EDNRA: variants seen among roughly 807,000 people sequenced by gnomAD.
EDNRA encodes the protein endothelin receptor type A, also known as endothelin-1 receptor.
A neutral mutation model predicts 41.4 loss-of-function variants in EDNRA; 11 were observed. That is an observed-to-expected ratio of 0.27 (90% CI 0.17 to 0.44). The LOEUF (loss-of-function observed/expected upper bound fraction) is 0.44, where lower values mean the gene tolerates loss of function less well. Ranked by LOEUF, EDNRA falls within the 20% of genes least tolerant of loss-of-function variation. The pLI is 1.00. For synonymous variants in EDNRA, 172 were observed against 183.0 expected (o/e 0.94, Z 0.49); for missense variants, 294 against 531.0 (o/e 0.55, Z 4.39).
intron 2 of EDNRA, among the ~76,000 whole-genome samples, chr4:147,502,086 T>C (rs560926146): frequency 6.6e-6 from 1 of 152,292 alleles, no homozygotes; most frequent in South Asian, 2.1e-4. Context: ...TTTTTGTTCC[T>C]ATATGCTAAG....
chr4:147,510,004 C>G (rs1196538297), intron 2 of EDNRA, among the ~76,000 whole-genome samples: 1 of 152,040 alleles, frequency 6.6e-6, no homozygotes, highest in African/African-American at 2.4e-5. Context: ...GGTTGGGGAC[C>G]GCTGATCTAG....
chr4:147,542,433 T>C, intron 7 of EDNRA, 45 bp from the exon 8 acceptor site: 4 of 1,612,280 alleles, frequency 2.5e-6, no homozygotes, highest in Non-Finnish European at 2.5e-6. Context: ...TGGCCGGGAA[T>C]GGGCTGGTAG....
At chr4:147,532,188 T>C (rs1247512110) in intron 3 of EDNRA, among the ~76,000 whole-genome samples, 1 of 142,192 alleles carries the variant, frequency 7.0e-6, no homozygotes, top group Non-Finnish European at 1.5e-5. Flanking sequence ...TAGCCGGGCG[T>C]GGTGGCAGGC....
intron 2 of EDNRA, among the ~76,000 whole-genome samples, chr4:147,505,646 GTTTTT>G (rs70958567): frequency 9.5e-6 from 1 of 105,234 alleles, no homozygotes; most frequent in African/African-American, 4.0e-5. Flanking sequence ...CCCGCCGGCA[GTTTTT>G]TTTTTTTTTT....
Position 147,532,516 on chromosome 4 carries a change from G to A in EDNRA, c.559G>A (p.Val187Ile). The A allele has an allele frequency of 6.2e-7, 1 of 1,613,910 alleles. No individual in the cohort carries two copies. The highest frequency in any genetic ancestry group is 8.5e-7 in the Non-Finnish European group (1 of 1,179,946). Residue 187 changes from valine (V) to isoleucine (I), a missense_variant, in exon 4 of 8, where the codon GTT becomes ATT. Physicochemically the swap from Val to Ile is conservative, Grantham distance 29. This residue lies in a region of EDNRA where 185 missense variants were observed against 390.8 expected (regional missense o/e 0.47). Coordinates refer to ENST00000651419, the MANE Select transcript of EDNRA (RefSeq NM_001957.4). ...CALSVDRYRA[V>I]ASWSRVQGIG... ...TACCCTTTTTTTCAGGTACAGAGCA[G>A]TTGCCTCCTGGAGTCGTGTTCAGGG...
chr4:147,523,480 GTTTT>G (rs1288499519), intron 3 of EDNRA, among the ~76,000 whole-genome samples: 1 of 140,556 alleles, frequency 7.1e-6, no homozygotes, highest in Non-Finnish European at 1.5e-5. Flanking sequence ...TGTTGTTGTT[GTTTT>G]TTTGTTTTTT....
intron 2 of EDNRA, among the ~76,000 whole-genome samples, chr4:147,514,222 AC>A (rs1274223937): frequency 2.0e-5 from 3 of 152,160 alleles, no homozygotes; most frequent in East Asian, 3.9e-4. Flanking sequence ...GAACTGGCTT[AC>A]CCAAGGTCAC....
At chr4:147,508,734 C>A (rs1468056597) in intron 2 of EDNRA, among the ~76,000 whole-genome samples, 3 of 152,104 alleles carry the variant, frequency 2.0e-5, no homozygotes, top group Non-Finnish European at 2.9e-5. Flanking sequence ...TTGCCTTGGA[C>A]CTTTATTAAA....
At chr4:147,484,819 T>A (rs189130097) in intron 1 of EDNRA, among the ~76,000 whole-genome samples, 248 of 152,364 alleles carry the variant, frequency 1.6e-3, no homozygotes, top group African/African-American at 5.6e-3. Flanking sequence ...TACACATTAA[T>A]CATCAAGGTT....
chr4:147,485,391 G>A (rs1214982459), intron 1 of EDNRA, among the ~76,000 whole-genome samples: 1 of 152,168 alleles, frequency 6.6e-6, no homozygotes, highest in Non-Finnish European at 1.5e-5. Flanking sequence ...TGGAGATGAT[G>A]GAGATGGAGA....
At position 147,485,817 on chromosome 4, in the gene EDNRA, A is replaced by C. The variant is rs776662697; in HGVS notation, c.136A>C (p.Ser46Arg). 10 of 1,614,130 alleles carry C rather than the reference A, an allele frequency of 6.2e-6. No homozygotes were observed. Among genetic ancestry groups the C allele is most frequent in the Non-Finnish European group, 8.5e-6 (10 of 1,180,032 alleles). Residue 46 changes from serine (S) to arginine (R), a missense_variant, in exon 2 of 8, where the codon AGC (serine) becomes CGC (arginine). Transcript: ENST00000651419. ...DFTTFRGTEL[S>R]FLVTTHQPTN... ...CACCACTTTTCGTGGCACAGAGCTC[A>C]GCTTCCTGGTTACCACTCATCAACC...
In EDNRA at chr4:147,540,415, C is replaced by T; in HGVS notation, c.1073C>T (p.Ala358Val). The T allele has an allele frequency of 1.2e-6, 2 of 1,613,710 alleles. No homozygotes were observed. Among genetic ancestry groups the T allele is most frequent in the Non-Finnish European group, 1.7e-6 (2 of 1,179,848 alleles). The change falls in exon 7 of 8, where the codon GCA (alanine) becomes GTA (valine). Residue 358 changes from alanine (A) to valine (V), a missense_variant. Ala to Val is a moderately conservative substitution (Grantham distance 64). This residue lies in a region of EDNRA where 185 missense variants were observed against 390.8 expected (regional missense o/e 0.47). Coordinates refer to ENST00000651419, the MANE Select transcript of EDNRA (RefSeq NM_001957.4). ...LLMDYIGINLATMNSCINPIA... is the reference protein window; with the variant it reads ...LLMDYIGINLVTMNSCINPIA... Reference sequence around the variant, plus strand: ...ATGGATTACATCGGTATTAACTTGGCAACCATGAATTCATGTATAAACCCC... The same window carrying T: ...ATGGATTACATCGGTATTAACTTGGTAACCATGAATTCATGTATAAACCCC...
chr4:147,511,300 A>G (rs1311923661), intron 2 of EDNRA, among the ~76,000 whole-genome samples: 2 of 152,202 alleles, frequency 1.3e-5, no homozygotes, highest in African/African-American at 2.4e-5. Context: ...TGCCTCAATT[A>G]TGAGTAATTG....
At chr4:147,482,469 G>C (rs1001006781) in intron 1 of EDNRA, among the ~76,000 whole-genome samples, 1 of 152,198 alleles carries the variant, frequency 6.6e-6, no homozygotes, top group African/African-American at 2.4e-5. Flanking sequence ...CGCTATGACT[G>C]ATTATGAGTG....
Position 147,543,591 on chromosome 4 carries a change from G to GA in EDNRA, c.*978dup, listed in dbSNP as rs10305934. 5.2e-4 allele frequency: 79 copies of GA among 152,186 alleles called. No individual in the cohort carries two copies. Among genetic ancestry groups the GA allele is most frequent in the African/African-American group, 1.8e-3 (76 of 41,520 alleles). 9.4% of individuals were successfully genotyped at this position (152,186 alleles called of 1,614,324 possible). On this transcript the variant is annotated 3_prime_UTR_variant, in exon 8 of 8. Transcript: ENST00000651419. Reference sequence around the variant, plus strand: ...ATAGAAGTCTAAAACACACCTAAGAGAAAAAGATCGAATTTTTCAGATGAT... The same window carrying GA: ...ATAGAAGTCTAAAACACACCTAAGAGAAAAAAGATCGAATTTTTCAGATGAT...
intron 2 of EDNRA, chr4:147,488,615 T>C (rs1246383571): frequency 1.3e-5 from 2 of 152,228 alleles, no homozygotes; most frequent in African/African-American, 2.4e-5. Flanking sequence ...AAATACTCTT[T>C]AGTTATTTCA....
At chr4:147,523,658 T>C (rs1291261691) in intron 3 of EDNRA, among the ~76,000 whole-genome samples, 1 of 151,992 alleles carries the variant, frequency 6.6e-6, no homozygotes, top group South Asian at 2.1e-4. Context: ...GCCCGGCTTA[T>C]TTTTTGTATT....
At chr4:147,516,136 G>C (rs775188146) in intron 2 of EDNRA, among the ~76,000 whole-genome samples, 23 of 152,170 alleles carry the variant, frequency 1.5e-4, no homozygotes, top group Non-Finnish European at 2.9e-4. Flanking sequence ...TTCTTTCTGT[G>C]GTGTTCTTCT....
intron 2 of EDNRA, among the ~76,000 whole-genome samples, chr4:147,497,848 G>A (rs1320289225): frequency 6.6e-6 from 1 of 152,184 alleles, no homozygotes; most frequent in Non-Finnish European, 1.5e-5. Flanking sequence ...TGGGATTACA[G>A]GCCTGAGCCA....
Sources: gnomAD v4.1 joint callset for allele counts (sites outside exome capture counted in the v4.1 genomes callset) on GRCh38, gnomAD v4.1.1 for gene constraint, gnomAD v4.1.1 regional missense constraint, MANE v1.5 for transcripts, NCBI Gene and HGNC (gene_info 2026-07-23, HGNC 2026-07-21) for gene names.